The following PDIA4 variants were observed in gnomAD, a reference collection of about 807,000 sequenced individuals.
PDIA4 encodes the protein protein disulfide-isomerase A4.
Under a neutral mutation model 62.1 loss-of-function variants are expected in PDIA4, and 33 were observed. The observed-to-expected ratio is 0.53, with a 90% CI of 0.40 to 0.71. The LOEUF is 0.71. Among genes scored for constraint, PDIA4 ranks in the 30% least tolerant of loss-of-function variants. The pLI, the probability that PDIA4 is intolerant of heterozygous loss-of-function variation, is 0.00. For synonymous variants in PDIA4, 341 were observed against 324.1 expected (o/e 1.05, Z -0.56); for missense variants, 804 against 813.6 (o/e 0.99, Z 0.14).
In PDIA4 at chr7:149,006,008, C is replaced by A; in HGVS notation, c.1177G>T (p.Ala393Ser). The change falls in exon 8 of 10, where the codon GCC (alanine) becomes TCC (serine). Residue 393 changes from alanine to serine, a missense_variant. Physicochemically the swap from Ala to Ser is moderately conservative, Grantham distance 99. Coordinates refer to ENST00000652332, the MANE Select transcript of PDIA4 (RefSeq NM_004911.5). The stretch of plus-strand genomic sequence containing the variant: ...TTGCGGTGGCCAACCAGGGGCAGGG[C>A]GTACTTCAGCACGAAGTCCTTGATG... ...SAIKDFVLKY[A>S]LPLVGHRKVS... 6.4e-7 allele frequency: 1 copy of A among 1,554,846 alleles called. No homozygotes were observed. Among genetic ancestry groups the A allele is most frequent in the Non-Finnish European group, 8.6e-7 (1 of 1,158,088 alleles).
chr7:149,009,333 C>T (rs1823866335), intron 6 of PDIA4, among the ~76,000 whole-genome samples: 1 of 152,176 alleles, frequency 6.6e-6, no homozygotes, highest in South Asian at 2.1e-4. Flanking sequence ...GAAAAGTTCA[C>T]AGAAAAACAG....
intron 9 of PDIA4, among the ~76,000 whole-genome samples, 173 bp downstream of exon 9, chr7:149,004,968 C>T (rs546699577): frequency 1.3e-5 from 2 of 152,314 alleles, no homozygotes; most frequent in East Asian, 1.9e-4. Flanking sequence ...GGGTCACACC[C>T]GACATTTCTC....
chr7:149,017,400 A>G (rs1824174073), intron 3 of PDIA4, among the ~76,000 whole-genome samples: 3 of 152,196 alleles, frequency 2.0e-5, no homozygotes, highest in Admixed American at 2.0e-4. Context: ...CCTGACCAAC[A>G]TGGAGAAACC....
rs1585428315 is a variant in PDIA4, at chr7:149,020,891, T to C, written c.269+76A>G. 1.0e-5 allele frequency: 16 copies of C among 1,543,702 alleles called. 1 individual carries two copies. Among genetic ancestry groups the C allele is most frequent in the South Asian group, 5.0e-5 (4 of 79,822 alleles). ...CACTCCTACCCCACCCCCCAAGGTCTGGATGACCGGGTGAAGGGCTGAGCG... is the reference window on the plus strand; with the variant it reads ...CACTCCTACCCCACCCCCCAAGGTCCGGATGACCGGGTGAAGGGCTGAGCG... On this transcript the variant is annotated intron_variant, in intron 2 of 9. Coordinates refer to ENST00000652332, the MANE Select transcript of PDIA4 (RefSeq NM_004911.5).
chr7:149,018,899 C>A (rs559511318), intron 3 of PDIA4, 93 bp downstream of exon 3: 10 of 705,044 alleles, frequency 1.4e-5, no homozygotes, highest in African/African-American at 1.9e-5. Flanking sequence ...GAAAGTCAGT[C>A]CCTGGTACCC....
chr7:149,009,570 T>A (rs1380694617), intron 6 of PDIA4, among the ~76,000 whole-genome samples: 1 of 152,192 alleles, frequency 6.6e-6, no homozygotes, highest in Non-Finnish European at 1.5e-5. Context: ...AAGATACTTT[T>A]ACTTAAATCC....
At position 149,025,085 on chromosome 7, in the gene PDIA4, A is replaced by ATAT. The variant is rs1279233879; in HGVS notation, c.88+3235_88+3236insATA. On this transcript the variant is annotated intron_variant, in intron 1 of 9. Transcript: ENST00000652332. ...AACTCCATCTCAAAAAAAAAAAAAAAATATATATATATATATATATATGTA... is the reference window on the plus strand; with the variant it reads ...AACTCCATCTCAAAAAAAAAAAAAAATATATATATATATATATATATATATGTA... Among the ~76,000 whole-genome samples the ATAT allele has an allele frequency of 2.6e-3, 59 of 22,358 alleles. 2 individuals are homozygous for ATAT. The East Asian group carries it at 0.028, about 10-fold the overall frequency. The allele number at this position is 22,358 out of a possible 152,430, so 14.7% of individuals were successfully genotyped here.
In PDIA4 at chr7:149,008,426, C is replaced by T. The variant is rs575432368; in HGVS notation, c.980-116G>A. 2.0e-4 allele frequency: 212 copies of T among 1,056,686 alleles called. 1 individual carries two copies. In the South Asian group the frequency reaches 2.4e-3, roughly 12 times the overall value. The allele number at this position is 1,056,686 out of a possible 1,614,324, so 65.5% of individuals were successfully genotyped here. A position where few individuals can be genotyped will look rare whatever the true frequency, so the allele number is the denominator to read the frequency against. ...CTGAAAATGACCACTGTAGGCTGGG[C>T]GCGGTGGCTCACGCCTGTAATCCCA... On this transcript the variant is annotated intron_variant, in intron 6 of 9. Coordinates refer to ENST00000652332, the MANE Select transcript of PDIA4 (RefSeq NM_004911.5).
chr7:149,008,969 A>G (rs908034283), intron 6 of PDIA4, among the ~76,000 whole-genome samples: 1 of 152,002 alleles, frequency 6.6e-6, no homozygotes. Flanking sequence ...TCTGTCCCCC[A>G]GGCTGGAGTG....
chr7:149,020,308 G>A (rs1824297164), intron 2 of PDIA4, among the ~76,000 whole-genome samples: 1 of 152,140 alleles, frequency 6.6e-6, no homozygotes, highest in Non-Finnish European at 1.5e-5. Context: ...TGACCCTCAG[G>A]CACTGGACAA....
chr7:149,015,665 C>T (rs933916172), intron 3 of PDIA4, among the ~76,000 whole-genome samples: 16 of 152,162 alleles, frequency 1.1e-4, no homozygotes, highest in Non-Finnish European at 2.1e-4. Flanking sequence ...AAAAATGTGC[C>T]AAGCAGTTCT....
At chr7:149,020,363 C>T (rs1401528500) in intron 2 of PDIA4, among the ~76,000 whole-genome samples, 1 of 152,154 alleles carries the variant, frequency 6.6e-6, no homozygotes, top group Admixed American at 6.6e-5. Context: ...ACAGAAAGGG[C>T]ATGAGACAGA....
At chr7:149,023,070 C>A (rs1824412529) in intron 1 of PDIA4, among the ~76,000 whole-genome samples, 1 of 152,154 alleles carries the variant, frequency 6.6e-6, no homozygotes, top group Non-Finnish European at 1.5e-5. Flanking sequence ...GCCTGCCACC[C>A]CTCCCTCCAC....
chr7:149,028,388 G>T lies in PDIA4; in HGVS notation c.21C>A (p.Phe7Leu). 1 of 1,523,108 alleles carries T rather than the reference G, an allele frequency of 6.6e-7. No homozygotes were observed. The highest frequency in any genetic ancestry group is 8.8e-7 in the Non-Finnish European group (1 of 1,136,180). The allele number at this position is 1,523,108 out of a possible 1,614,324, so 94.3% of individuals were successfully genotyped here. A position where few individuals can be genotyped will look rare whatever the true frequency, so the allele number is the denominator to read the frequency against. Residue 7 changes from phenylalanine (F) to leucine (L), a missense_variant, in exon 1 of 10, where the codon TTC becomes TTA. Phe to Leu is a conservative substitution (Grantham distance 22). Coordinates refer to ENST00000652332, the MANE Select transcript of PDIA4 (RefSeq NM_004911.5). MRPRKA[F>L]LLLLLLGLVQ... ...CCAGCCCCAAGAGCAGCAGGAGCAG[G>T]AAGGCTTTCCGGGGCCTCATGGTAG...
intron 1 of PDIA4, among the ~76,000 whole-genome samples, chr7:149,026,405 C>T (rs190620415): frequency 8.3e-4 from 126 of 152,276 alleles, no homozygotes; most frequent in African/African-American, 2.9e-3. Context: ...AATCTCAGCA[C>T]TTTGGGAGGC....
At chr7:149,009,421 C>T (rs922053285) in intron 6 of PDIA4, among the ~76,000 whole-genome samples, 1 of 152,166 alleles carries the variant, frequency 6.6e-6, no homozygotes, top group Non-Finnish European at 1.5e-5. Context: ...TTCTGGAGCC[C>T]ACATGAGCAG....
At chr7:149,021,928 C>T (rs1261290641) in intron 1 of PDIA4, among the ~76,000 whole-genome samples, 3 of 152,202 alleles carry the variant, frequency 2.0e-5, no homozygotes, top group East Asian at 1.9e-4. Context: ...CACCGCATTT[C>T]GTGATCTCGC....
intron 6 of PDIA4, among the ~76,000 whole-genome samples, chr7:149,009,480 G>T (rs772700467): frequency 6.6e-6 from 1 of 152,164 alleles, no homozygotes; most frequent in African/African-American, 2.4e-5. Context: ...AGCACCCTTC[G>T]TGGAGGTTTA....
chr7:149,023,884 G>C (rs941099609), intron 1 of PDIA4, among the ~76,000 whole-genome samples: 2 of 152,186 alleles, frequency 1.3e-5, no homozygotes, highest in African/African-American at 4.8e-5. Context: ...TCATGATTAA[G>C]TGGGAGCTGA....
Sources: allele counts gnomAD v4.1 joint callset (sites outside exome capture counted in the v4.1 genomes callset), GRCh38; gene constraint gnomAD v4.1.1; transcripts MANE v1.5; gene names NCBI Gene and HGNC (gene_info 2026-07-23, HGNC 2026-07-21).